DCLK1: variants seen among roughly 807,000 people sequenced by gnomAD.
DCLK1 encodes serine/threonine-protein kinase DCLK1.
DCLK1 carries 16 observed loss-of-function variants against 86.2 expected under a neutral mutation model. The observed-to-expected ratio is 0.19, with a 90% CI of 0.13 to 0.28. DCLK1 has a LOEUF of 0.28. Among genes scored for constraint, DCLK1 ranks in the 10% least tolerant of loss-of-function variants. The pLI is 1.00. For missense variants in DCLK1, 590 were observed against 940.2 expected (o/e 0.63, Z 4.87); for synonymous variants, 369 against 370.5 (o/e 1.00, Z 0.05).
intron 3 of DCLK1, among the ~76,000 whole-genome samples, chr13:36,062,682 A>G (rs1193605504): frequency 6.6e-6 from 1 of 152,246 alleles, no homozygotes; most frequent in African/African-American, 2.4e-5. Context: ...TGACGACTTG[A>G]TAGTGATTAA....
intron 8 of DCLK1, among the ~76,000 whole-genome samples, chr13:35,833,922 T>G (rs1191278882): frequency 6.6e-6 from 1 of 152,202 alleles, no homozygotes; most frequent in Non-Finnish European, 1.5e-5. Context: ...AGACCCAAGA[T>G]GTGAACTCAC....
In DCLK1 at chr13:36,057,387, C is replaced by T. The variant is rs371722005; in HGVS notation, c.723+54482G>A. Reference sequence around the variant, plus strand: ...GTGAGGATTTAAGTGCCCCAGAGGGCTTAATCTTGAAAAATATTAGCGACT... The same window carrying T: ...GTGAGGATTTAAGTGCCCCAGAGGGTTTAATCTTGAAAAATATTAGCGACT... On this transcript the variant is annotated intron_variant, in intron 3 of 16. Coordinates refer to ENST00000360631, the MANE Select transcript of DCLK1 (RefSeq NM_001330071.2). Among the ~76,000 whole-genome samples the T allele has an allele frequency of 9.9e-5, 15 of 152,266 alleles. No individual in the cohort carries two copies. The East Asian group carries it at 2.5e-3, about 25-fold the overall frequency.
intron 4 of DCLK1, among the ~76,000 whole-genome samples, chr13:35,933,278 G>A (rs1016307873): frequency 3.3e-5 from 5 of 152,248 alleles, no homozygotes; most frequent in Non-Finnish European, 5.9e-5. Flanking sequence ...GAGTGTCTGC[G>A]GCTTTTCCAG....
intron 3 of DCLK1, among the ~76,000 whole-genome samples, chr13:35,977,204 C>T: frequency 6.6e-6 from 1 of 152,142 alleles, no homozygotes; most frequent in Non-Finnish European, 1.5e-5. Context: ...TCATGCATAT[C>T]AGGAAGCTGA....
chr13:35,939,354 C>A (rs538818867), intron 4 of DCLK1, among the ~76,000 whole-genome samples: 1 of 152,302 alleles, frequency 6.6e-6, no homozygotes, highest in South Asian at 2.1e-4. Flanking sequence ...TGAAGAGCCA[C>A]AAAAACTTAG....
Position 36,021,074 on chromosome 13 carries a change from G to A in DCLK1, c.724-73617C>T, listed in dbSNP as rs915101634. On this transcript the variant is annotated intron_variant, in intron 3 of 16. Coordinates refer to ENST00000360631, the MANE Select transcript of DCLK1 (RefSeq NM_001330071.2). Reference sequence around the variant, plus strand: ...GCTACAATTATAACACCGCCTTCATGTATAAAGGTATAATTTGTGTGACAA... The same window carrying A: ...GCTACAATTATAACACCGCCTTCATATATAAAGGTATAATTTGTGTGACAA... 3.3e-5 allele frequency among the ~76,000 whole-genome samples: 5 copies of A among 152,064 alleles called. No individual in the cohort carries two copies. In the East Asian group the frequency reaches 7.7e-4, roughly 24 times the overall value.
intron 3 of DCLK1, among the ~76,000 whole-genome samples, chr13:36,045,658 C>T (rs1254760150): frequency 6.6e-6 from 1 of 151,740 alleles, no homozygotes; most frequent in African/African-American, 2.4e-5. Flanking sequence ...TCAAGACCAG[C>T]CTGGCCAACG....
At chr13:35,986,851 G>T (rs1193594272) in intron 3 of DCLK1, among the ~76,000 whole-genome samples, 1 of 152,114 alleles carries the variant, frequency 6.6e-6, no homozygotes, top group Non-Finnish European at 1.5e-5. Flanking sequence ...CGCGCAATGG[G>T]TATGAAGCAC....
At chr13:36,111,215 G>A (rs1048384206) in intron 3 of DCLK1, among the ~76,000 whole-genome samples, 16 of 152,074 alleles carry the variant, frequency 1.1e-4, no homozygotes, top group African/African-American at 3.6e-4. Context: ...ACAATAAAAG[G>A]TGATGCTTCC....
intron 5 of DCLK1, among the ~76,000 whole-genome samples, chr13:35,860,987 G>A (rs1328087821): frequency 6.6e-6 from 1 of 152,222 alleles, no homozygotes; most frequent in East Asian, 1.9e-4. Context: ...TTTGTTTCTA[G>A]GATGGAGCAT....
At chr13:36,075,206 T>C (rs1198228938) in intron 3 of DCLK1, among the ~76,000 whole-genome samples, 1 of 152,240 alleles carries the variant, frequency 6.6e-6, no homozygotes, top group Non-Finnish European at 1.5e-5. Flanking sequence ...TTCAGAATCA[T>C]CTGCGTGGTT....
intron 3 of DCLK1, among the ~76,000 whole-genome samples, chr13:35,969,681 C>T (rs1878971941): frequency 1.3e-5 from 2 of 152,110 alleles, no homozygotes; most frequent in East Asian, 1.9e-4. Context: ...AAACGCTGGC[C>T]CTCCACCCAA....
At chr13:35,954,270 T>C (rs1386101251) in intron 3 of DCLK1, among the ~76,000 whole-genome samples, 1 of 152,046 alleles carries the variant, frequency 6.6e-6, no homozygotes, top group East Asian at 1.9e-4. Context: ...TCAACAACCT[T>C]CCTCTTTCTG....
At chr13:36,008,249 T>A (rs1207590147) in intron 3 of DCLK1, among the ~76,000 whole-genome samples, 1 of 133,024 alleles carries the variant, frequency 7.5e-6, no homozygotes, top group African/African-American at 2.9e-5. Context: ...ATACTTTAAG[T>A]TTTAGGGTAC....
chr13:35,942,199 A>C (rs1316923686), intron 4 of DCLK1, among the ~76,000 whole-genome samples: 1 of 151,340 alleles, frequency 6.6e-6, no homozygotes, highest in Non-Finnish European at 1.5e-5. Context: ...CGGAGTCTTG[A>C]TCTGTTGCCT....
chr13:36,101,005 G>A (rs1885199540), intron 3 of DCLK1, among the ~76,000 whole-genome samples: 2 of 152,122 alleles, frequency 1.3e-5, no homozygotes, highest in Admixed American at 6.5e-5. Flanking sequence ...TCCGGGCATC[G>A]TCCATGTTGG....
intron 3 of DCLK1, among the ~76,000 whole-genome samples, chr13:36,048,317 T>C (rs1275773646): frequency 3.3e-5 from 5 of 152,158 alleles, no homozygotes; most frequent in Non-Finnish European, 5.9e-5. Flanking sequence ...ACTAAAACAG[T>C]ATAAAAATAT....
chr13:36,127,597 G>C (rs914625539), intron 1 of DCLK1, among the ~76,000 whole-genome samples: 2 of 152,180 alleles, frequency 1.3e-5, no homozygotes, highest in African/African-American at 4.8e-5. Flanking sequence ...TTATCATAGT[G>C]TCTGACATGT....
At chr13:36,078,159 C>T (rs894899601) in intron 3 of DCLK1, among the ~76,000 whole-genome samples, 11 of 152,168 alleles carry the variant, frequency 7.2e-5, no homozygotes, top group African/African-American at 1.7e-4. Context: ...TTCCACTCTA[C>T]GCCATGTGAG....
Sources: allele counts gnomAD v4.1 joint callset (sites outside exome capture counted in the v4.1 genomes callset), GRCh38; gene constraint gnomAD v4.1.1; transcripts MANE v1.5; gene names NCBI Gene and HGNC (gene_info 2026-07-23, HGNC 2026-07-21).